The following AGBL1 variants were observed in gnomAD, a reference collection of about 807,000 sequenced individuals.
AGBL1 encodes the protein AGBL carboxypeptidase 1.
A neutral mutation model predicts 118.9 loss-of-function variants in AGBL1; 130 were observed. The ratio of observed to expected loss-of-function variants is 1.09; its 90% CI spans 0.95 to 1.26. AGBL1 has a LOEUF of 1.26. Among genes scored for constraint, AGBL1 ranks in the 50% most tolerant of loss-of-function variants. AGBL1 has a pLI of 0.00. For missense variants in AGBL1, 1,584 were observed against 1,298.1 expected (o/e 1.22, Z -3.38); for synonymous variants, 555 against 478.9 (o/e 1.16, Z -2.08).
chr15:86,936,315 AC>A (rs980683038), intron 23 of AGBL1, among the ~76,000 whole-genome samples: 7 of 152,202 alleles, frequency 4.6e-5, no homozygotes, highest in African/African-American at 9.6e-5. Flanking sequence ...AAGAAAAAAA[AC>A]AAAAGTAAAT....
At chr15:86,482,680 C>T (rs1376679030) in intron 18 of AGBL1, among the ~76,000 whole-genome samples, 1 of 152,096 alleles carries the variant, frequency 6.6e-6, no homozygotes, top group East Asian at 1.9e-4. Flanking sequence ...TGTAGTTTTA[C>T]ATGTAACCTT....
In AGBL1 at chr15:86,291,346, T is replaced by A. The variant is rs1334190196; in HGVS notation, c.2221-3909T>A. ...AATGATTTTTTTGTATACATATATG[T>A]ACAATGGGTTTATTTATGCACACAC... On this transcript the variant is annotated intron_variant, in intron 16 of 22. Coordinates refer to ENST00000614907, the MANE Select transcript of AGBL1 (RefSeq NM_001386094.1). Among the ~76,000 whole-genome samples, 4 of 150,590 alleles carry A rather than the reference T, an allele frequency of 2.7e-5. No homozygotes were observed. The East Asian group carries it at 7.7e-4, about 29-fold the overall frequency.
intron 19 of AGBL1, among the ~76,000 whole-genome samples, chr15:86,541,079 G>T (rs935145495): frequency 6.6e-6 from 1 of 152,202 alleles, no homozygotes; most frequent in Non-Finnish European, 1.5e-5. Flanking sequence ...TAATTTGTTT[G>T]CACACTTTTC....
intron 17 of AGBL1, among the ~76,000 whole-genome samples, chr15:86,298,529 T>C (rs2079694475): frequency 6.6e-6 from 1 of 151,798 alleles, no homozygotes; most frequent in Non-Finnish European, 1.5e-5. Flanking sequence ...TTCCTTTGAA[T>C]TATAAAATGT....
chr15:86,382,285 C>A (rs565519141), intron 17 of AGBL1, among the ~76,000 whole-genome samples: 1 of 152,138 alleles, frequency 6.6e-6, no homozygotes, highest in Non-Finnish European at 1.5e-5. Context: ...AACTTTGAAA[C>A]GAAGGGGCCA....
At chr15:86,188,507 C>T (rs2077668384) in intron 5 of AGBL1, among the ~76,000 whole-genome samples, 1 of 152,114 alleles carries the variant, frequency 6.6e-6, no homozygotes, top group Non-Finnish European at 1.5e-5. Context: ...TTAACAAATT[C>T]TATTCAGGCT....
intron 22 of AGBL1, among the ~76,000 whole-genome samples, chr15:86,724,599 TG>T (rs1300045109): frequency 6.6e-6 from 1 of 152,202 alleles, no homozygotes; most frequent in Non-Finnish European, 1.5e-5. Context: ...GGAGGATATT[TG>T]CTCCATTTTT....
At chr15:86,112,412 A>G (rs953911430) in intron 1 of AGBL1, among the ~76,000 whole-genome samples, 3 of 152,240 alleles carry the variant, frequency 2.0e-5, no homozygotes, top group Non-Finnish European at 4.4e-5. Flanking sequence ...TATAACATGA[A>G]TATCTTCTCA....
chr15:86,803,768 G>C (rs1343230908), intron 22 of AGBL1, among the ~76,000 whole-genome samples: 1 of 152,136 alleles, frequency 6.6e-6, no homozygotes, highest in African/African-American at 2.4e-5. Flanking sequence ...ACTGACTGTG[G>C]TGTGTAAGAG....
At chr15:86,787,186 A>G (rs1367315149) in intron 22 of AGBL1, among the ~76,000 whole-genome samples, 1 of 152,166 alleles carries the variant, frequency 6.6e-6, no homozygotes, top group Admixed American at 6.5e-5. Flanking sequence ...ACTACAGTCA[A>G]GCAAACTAAC....
chr15:86,337,953 C>T (rs555989997), intron 17 of AGBL1, among the ~76,000 whole-genome samples: 30 of 152,248 alleles, frequency 2.0e-4, no homozygotes, highest in Admixed American at 3.9e-4. Context: ...TATCAAGTGT[C>T]TGGTATATGC....
chr15:86,933,494 T>C (rs2080630569), intron 23 of AGBL1, among the ~76,000 whole-genome samples: 1 of 152,186 alleles, frequency 6.6e-6, no homozygotes, highest in Non-Finnish European at 1.5e-5. Context: ...ATAGATCTCA[T>C]CTCTATTGTA....
chr15:86,706,085 A>G (rs1434958714), intron 22 of AGBL1, among the ~76,000 whole-genome samples: 1 of 152,134 alleles, frequency 6.6e-6, no homozygotes, highest in African/African-American at 2.4e-5. Flanking sequence ...GAAATCAATT[A>G]TTAAATAACG....
chr15:86,110,258 G>A (rs1343751433), intron 1 of AGBL1, among the ~76,000 whole-genome samples: 2 of 152,194 alleles, frequency 1.3e-5, no homozygotes, highest in Non-Finnish European at 2.9e-5. Context: ...CCATGTATAA[G>A]TTTTGGCTGC....
chr15:86,272,936 A>C (rs924808945), intron 15 of AGBL1, among the ~76,000 whole-genome samples: 1 of 152,190 alleles, frequency 6.6e-6, no homozygotes, highest in African/African-American at 2.4e-5. Context: ...AGAGAGATTT[A>C]GATTAAAAAT....
intron 21 of AGBL1, among the ~76,000 whole-genome samples, chr15:86,627,453 A>G (rs1449221086): frequency 1.3e-5 from 2 of 152,186 alleles, no homozygotes; most frequent in Non-Finnish European, 2.9e-5. Context: ...ACCAAGGTAC[A>G]AATGTGAAGA....
chr15:86,511,267 C>A (rs1199616988), intron 18 of AGBL1, among the ~76,000 whole-genome samples: 1 of 152,012 alleles, frequency 6.6e-6, no homozygotes, highest in African/African-American at 2.4e-5. Flanking sequence ...GGCCTCACAT[C>A]CCATCCATTT....
intron 22 of AGBL1, among the ~76,000 whole-genome samples, chr15:86,903,601 A>G (rs1262503865): frequency 6.6e-6 from 1 of 152,150 alleles, no homozygotes; most frequent in African/African-American, 2.4e-5. Context: ...CTATGAGGCT[A>G]TGGATCTTAT....
intron 5 of AGBL1, among the ~76,000 whole-genome samples, chr15:86,189,548 G>A (rs896568791): frequency 1.3e-5 from 2 of 152,132 alleles, no homozygotes; most frequent in Middle Eastern, 3.2e-3. Flanking sequence ...TCATGGTAAC[G>A]AGTTGGTTCT....
Sources: gnomAD v4.1 joint callset for allele counts (sites outside exome capture counted in the v4.1 genomes callset) on GRCh38, gnomAD v4.1.1 for gene constraint, MANE v1.5 for transcripts, NCBI Gene and HGNC (gene_info 2026-07-23, HGNC 2026-07-21) for gene names.